The following TNS1 variants were observed in gnomAD, a reference collection of about 807,000 sequenced individuals.
TNS1 encodes tensin-1.
TNS1 carries 62 observed loss-of-function variants against 168.6 expected under a neutral mutation model. That is an observed-to-expected ratio of 0.37 (90% CI 0.30 to 0.45). The LOEUF (loss-of-function observed/expected upper bound fraction) is 0.45. TNS1 is among the 20% of genes least tolerant of loss of function. TNS1 has a pLI of 1.00. For missense variants in TNS1, 2,240 were observed against 2,339.4 expected (o/e 0.96, Z 0.88); for synonymous variants, 934 against 933.2 (o/e 1.00, Z -0.02).
chr2:217,969,889 G>C (rs1189823791), intron 3 of TNS1, among the ~76,000 whole-genome samples: 1 of 152,212 alleles, frequency 6.6e-6, no homozygotes. Flanking sequence ...CAAAAGATGT[G>C]CTGAAGTCCT....
intron 17 of TNS1, 175 bp downstream of exon 17, chr2:217,882,169 TAA>T (rs1349771783): frequency 1.8e-6 from 1 of 556,538 alleles, no homozygotes; most frequent in African/African-American, 2.0e-5. Flanking sequence ...ATCCAGAGAT[TAA>T]GTCACTGGTT....
intron 2 of TNS1, among the ~76,000 whole-genome samples, chr2:217,983,368 ACCGGAGCT>A (rs1958105333): frequency 1.3e-5 from 2 of 152,146 alleles, no homozygotes; most frequent in African/African-American, 4.8e-5. Context: ...ACCCTGTCCA[ACCGGAGCT>A]CCATGGAGCC....
intron 4 of TNS1, among the ~76,000 whole-genome samples, chr2:217,918,470 C>A (rs1226274371): frequency 6.6e-6 from 1 of 152,336 alleles, no homozygotes; most frequent in East Asian, 1.9e-4. Flanking sequence ...ACAGGCGGGG[C>A]ACCTCACAGA....
chr2:218,010,911 G>T (rs796623049), upstream of TNS1, among the ~76,000 whole-genome samples: 8 of 152,286 alleles, frequency 5.3e-5, no homozygotes, highest in African/African-American at 1.7e-4. Flanking sequence ...ATCTGGACCA[G>T]CTGTCCAGTC....
chr2:217,943,222 G>A (rs549348833), intron 3 of TNS1, among the ~76,000 whole-genome samples: 117 of 152,186 alleles, frequency 7.7e-4, no homozygotes, highest in South Asian at 1.4e-3. Context: ...GCCAGTCTGT[G>A]CCCATGGGCA....
chr2:218,004,198 C>G (rs896540506), upstream of TNS1, among the ~76,000 whole-genome samples: 2 of 152,236 alleles, frequency 1.3e-5, no homozygotes, highest in Non-Finnish European at 2.9e-5. Flanking sequence ...CACACAAGGA[C>G]ACAGTCCAAC....
chr2:217,979,157 A>C (rs62182224), intron 2 of TNS1, among the ~76,000 whole-genome samples: 1 of 152,108 alleles, frequency 6.6e-6, no homozygotes, highest in Non-Finnish European at 1.5e-5. Flanking sequence ...CCCACCAAGG[A>C]ATAAGGGGGG....
chr2:218,002,718 C>T, intron 1 of TNS1, 122 bp downstream of exon 1: 2 of 448,540 alleles, frequency 4.5e-6, no homozygotes, highest in Non-Finnish European at 9.0e-6. Flanking sequence ...CAGAAAGGCC[C>T]CTCCTTCAAG....
At chr2:217,868,208 T>A (rs1203679694) in intron 18 of TNS1, among the ~76,000 whole-genome samples, 1 of 152,228 alleles carries the variant, frequency 6.6e-6, no homozygotes, top group Non-Finnish European at 1.5e-5. Flanking sequence ...TTCAATTGCA[T>A]GGACTTAAGG....
intron 18 of TNS1, among the ~76,000 whole-genome samples, chr2:217,860,158 C>T (rs1948649360): frequency 6.6e-6 from 1 of 152,196 alleles, no homozygotes; most frequent in African/African-American, 2.4e-5. Flanking sequence ...GAGGGAAAGC[C>T]CTGCCAGGCA....
chr2:217,839,517 G>A (rs998829680), intron 19 of TNS1, among the ~76,000 whole-genome samples: 3 of 152,002 alleles, frequency 2.0e-5, no homozygotes, highest in Admixed American at 1.3e-4. Context: ...CCCCTAGCAT[G>A]AGCCAGACTG....
chr2:217,956,964 A>G (rs1403516897), intron 3 of TNS1, among the ~76,000 whole-genome samples: 1 of 152,212 alleles, frequency 6.6e-6, no homozygotes, highest in African/African-American at 2.4e-5. Flanking sequence ...TCCCAGCCCT[A>G]AGGAGACGGG....
At chr2:217,957,516 T>C (rs11685533) in intron 3 of TNS1, among the ~76,000 whole-genome samples, 23,084 of 152,094 alleles carry the variant, frequency 0.15, 2,473 homozygotes, top group African/African-American at 0.29. Flanking sequence ...GTATCACCAA[T>C]TGGCCGGTGA....
chr2:217,909,314 C>T (rs1954081346), intron 4 of TNS1, among the ~76,000 whole-genome samples: 2 of 152,106 alleles, frequency 1.3e-5, no homozygotes, highest in Admixed American at 6.5e-5. Flanking sequence ...AACCCAAATC[C>T]CCCAACTCCA....
chr2:217,981,680 C>T (rs948938082), intron 2 of TNS1, among the ~76,000 whole-genome samples: 4 of 152,168 alleles, frequency 2.6e-5, no homozygotes, highest in African/African-American at 7.2e-5. Context: ...CAGAAGCAAC[C>T]GCCTCCAACC....
At chr2:217,870,039 G>T (rs150608025) in intron 18 of TNS1, among the ~76,000 whole-genome samples, 4 of 152,168 alleles carry the variant, frequency 2.6e-5, no homozygotes, top group Admixed American at 2.0e-4. Flanking sequence ...ATTGTTTCTC[G>T]TTCCTTTTAC....
rs1201921780 is a variant in TNS1, at chr2:217,800,612, TCAGGATTC to T, written c.*3839_*3846del. ...ACCACTGGCCAAGGAAACGCGAGTCTCAGGATTCCAGGGCCTGGACCTGGGGTAAAGGG... is the reference window on the plus strand; with the variant it reads ...ACCACTGGCCAAGGAAACGCGAGTCTCAGGGCCTGGACCTGGGGTAAAGGG... On this transcript the variant is annotated 3_prime_UTR_variant, in exon 33 of 33. Coordinates refer to ENST00000682258, the MANE Select transcript of TNS1 (RefSeq NM_001387777.1). The T allele has an allele frequency of 1.3e-5, 2 of 152,194 alleles. No individual in the cohort carries two copies. Among genetic ancestry groups the T allele is most frequent in the Non-Finnish European group, 2.9e-5 (2 of 68,088 alleles). 9.4% of individuals were successfully genotyped at this position (152,194 alleles called of 1,614,324 possible).
chr2:218,019,933 C>A (rs531281603), intron 1 of TNS1, among the ~76,000 whole-genome samples: 3 of 152,148 alleles, frequency 2.0e-5, no homozygotes, highest in East Asian at 3.9e-4. Flanking sequence ...CCTGCCCGCT[C>A]CCCCACTCCC....
At chr2:217,811,496 A>G (rs1369757907) in intron 28 of TNS1, among the ~76,000 whole-genome samples, 1 of 152,162 alleles carries the variant, frequency 6.6e-6, no homozygotes, top group Non-Finnish European at 1.5e-5. Context: ...TAGCCCCAGG[A>G]GCTCCAAGAA....
Sources: allele counts gnomAD v4.1 joint callset (sites outside exome capture counted in the v4.1 genomes callset), GRCh38; gene constraint gnomAD v4.1.1; transcripts MANE v1.5; gene names NCBI Gene and HGNC (gene_info 2026-07-23, HGNC 2026-07-21).